Variants in LIG4 observed in about 807,000 individuals in gnomAD.
LIG4 encodes DNA joinase.
In LIG4, 13 loss-of-function variants were observed where a neutral mutation model predicts 19.0. The ratio of observed to expected loss-of-function variants is 0.68; its 90% CI spans 0.44 to 1.09. The LOEUF (loss-of-function observed/expected upper bound fraction) is 1.09. LIG4 is among the 50% of genes least tolerant of loss of function. The pLI is 0.00. For missense variants in LIG4, 1,026 were observed against 1,089.7 expected (o/e 0.94, Z 0.82); for synonymous variants, 361 against 358.2 (o/e 1.01, Z -0.09).
rs2138980126 is a variant in LIG4, at chr13:108,210,916, G to C, written c.353C>G (p.Thr118Ser). 6.2e-7 allele frequency: 1 copy of C among 1,613,974 alleles called. No individual in the cohort carries two copies. Among genetic ancestry groups the C allele is most frequent in the Non-Finnish European group, 8.5e-7 (1 of 1,179,958 alleles). Residue 118 changes from threonine to serine, a missense_variant, in exon 3 of 3, where the codon ACT becomes AGT. Thr to Ser is a moderately conservative substitution (Grantham distance 58, BLOSUM62 1). Coordinates refer to ENST00000442234, the MANE Select transcript of LIG4 (RefSeq NM_206937.2). ...KLLNYRTPTG[T>S]HGDAGDFAMI... ...TGCAAAGTCTCCAGCATCTCCATGA[G>C]TTCCAGTGGGTGTTCTGTAGTTTAA...
Position 108,210,725 on chromosome 13 carries a change from C to A in LIG4, c.544G>T (p.Glu182Ter). ...LQLITQSSALEQKWLIRMIIK... is the reference protein window; with the variant it reads ...LQLITQSSAL ...ATCATCCGTATAAGCCACTTTTGCT[C>A]AAGTGCTGAACTCTGAGTTATAAGT... The change falls in exon 3 of 3, where the codon GAG becomes TAG. Residue 182 changes from glutamate to a stop codon, truncating the protein, a stop_gained. Coordinates refer to ENST00000442234, the MANE Select transcript of LIG4 (RefSeq NM_206937.2). LOFTEE classifies it high-confidence loss of function. The A allele has an allele frequency of 6.2e-7, 1 of 1,613,990 alleles. No individual in the cohort carries two copies. The highest frequency in any genetic ancestry group is 8.5e-7 in the Non-Finnish European group (1 of 1,179,974).
rs1878402671 is a variant in LIG4 at position 108,209,760 on chromosome 13, G to C, written c.1509C>G (p.Leu503=). 5 of 1,614,016 alleles carry C rather than the reference G, an allele frequency of 3.1e-6. No homozygotes were observed. Among genetic ancestry groups the C allele is most frequent in the Non-Finnish European group, 4.2e-6 (5 of 1,180,034 alleles). ...TGGTGCAGCCAGACCCAACACGAGA[G>C]AGAGTATGAAACACAGATGGCTTCT... ...PGEKPSVFHT[L]SRVGSGCTMK... The change falls in exon 3 of 3, where the codon CTC becomes CTG. Residue 503 remains leucine (L), a synonymous_variant. Coordinates refer to ENST00000442234, the MANE Select transcript of LIG4 (RefSeq NM_206937.2).
chr13:108,211,344 C>T, intron 2 of LIG4, 48 bp from the exon 3 acceptor site: 1 of 1,029,294 alleles, frequency 9.7e-7, no homozygotes, highest in South Asian at 1.3e-5. Flanking sequence ...TAAGATTCAA[C>T]TAAATATTTA....
intron 2 of LIG4, 66 bp from the exon 3 acceptor site, chr13:108,211,362 G>A: frequency 1.1e-6 from 1 of 926,816 alleles, no homozygotes; most frequent in South Asian, 1.4e-5. Flanking sequence ...TTAATGTAAA[G>A]ATCTTACAAA....
Position 108,209,178 on chromosome 13 carries a change from C to T in LIG4, c.2091G>A (p.Thr697=), listed in dbSNP as rs184527984. ...TCTCAGACCCTGCAATTACACAGTA[C>T]GTGTCTGGGCCTGGATTTTGTACTA... ...GYIVQNPGPD[T]YCVIAGSENI... The change falls in exon 3 of 3, where the codon ACG becomes ACA. Residue 697 remains threonine (T), a synonymous_variant. Transcript: ENST00000442234. The T allele has an allele frequency of 2.2e-5, 36 of 1,614,146 alleles. No homozygotes were observed. The highest frequency in any genetic ancestry group is 2.2e-4 in the East Asian group (10 of 44,872).
Position 108,210,896 on chromosome 13 carries a change from A to C in LIG4, c.373T>G (p.Phe125Val). Residue 125 changes from phenylalanine to valine, a missense_variant, in exon 3 of 3, where the codon TTT (phenylalanine) becomes GTT (valine). By Grantham distance (50) the Phe-to-Val change is conservative. This residue lies in a region of LIG4 where 493 missense variants were observed against 544.5 expected (regional missense o/e 0.91). Coordinates refer to ENST00000442234, the MANE Select transcript of LIG4 (RefSeq NM_206937.2). ...AACACAAAATATGCAATCATTGCAAAGTCTCCAGCATCTCCATGAGTTCCA... is the reference window on the plus strand; with the variant it reads ...AACACAAAATATGCAATCATTGCAACGTCTCCAGCATCTCCATGAGTTCCA... ...PTGTHGDAGD[F>V]AMIAYFVLKP... The C allele has an allele frequency of 6.2e-7, 1 of 1,614,068 alleles. No individual in the cohort carries two copies. Among genetic ancestry groups the C allele is most frequent in the Non-Finnish European group, 8.5e-7 (1 of 1,179,980 alleles).
chr13:108,215,580 C>CG (rs36219967), upstream of LIG4: 18,328 of 150,600 alleles, frequency 0.12, 1,165 homozygotes, highest in African/African-American at 0.15. Context: ...AGGGGAGACC[C>CG]GGGGCCTTGC....
At position 108,209,340 on chromosome 13, in the gene LIG4, GT is replaced by G; in HGVS notation, c.1928del (p.His643ProfsTer2). ...CGTTAGTAAGGTTAGGTGCTTTTAAGTGCTCAATAATTCCAATAACTTTCTT... is the reference window on the plus strand; with the variant it reads ...CGTTAGTAAGGTTAGGTGCTTTTAAGGCTCAATAATTCCAATAACTTTCTT... ...KMKKVIGIIE[H>X]LKAPNLTNVN... On this transcript the variant is annotated frameshift_variant, in exon 3 of 3. Transcript: ENST00000442234. LOFTEE classifies it low-confidence loss of function (END_TRUNC). 2 of 1,614,078 alleles carry G rather than the reference GT, an allele frequency of 1.2e-6. No homozygotes were observed. The highest frequency in any genetic ancestry group is 1.7e-5 in the Admixed American group (1 of 60,018).
Position 108,208,350 on chromosome 13 carries a change from T to G in LIG4, c.*183A>C. The G allele has an allele frequency of 1.8e-6, 1 of 547,362 alleles. No individual in the cohort carries two copies. The highest frequency in any genetic ancestry group is 3.2e-6 in the Non-Finnish European group (1 of 311,884). The allele number at this position is 547,362 out of a possible 1,614,324, so 33.9% of individuals were successfully genotyped here. A position where few individuals can be genotyped will look rare whatever the true frequency, so the allele number is the denominator to read the frequency against. ...TACATTCAAGATAATTTTTCTTTCT[T>G]GGCTTTGGGCTATTGTCTTTTCAAC... On this transcript the variant is annotated 3_prime_UTR_variant, in exon 3 of 3. Transcript: ENST00000442234.
In LIG4 at chr13:108,210,660, G is replaced by T. The variant is rs778780549; in HGVS notation, c.609C>A (p.Ile203=). ...DLKLGVSQQT[I]FSVFHNDAAE... is the part of the protein sequence containing the mutation. ...CAGCATCATTATGAAAAACAGAAAA[G>T]ATAGTTTGCTGACTAACACCAAGCT... Residue 203 remains isoleucine, a synonymous_variant, in exon 3 of 3, where the codon ATC becomes ATA. Transcript: ENST00000442234. The T allele has an allele frequency of 6.2e-6, 10 of 1,613,758 alleles. No individual in the cohort carries two copies. The highest frequency in any genetic ancestry group is 8.5e-6 in the Non-Finnish European group (10 of 1,179,954).
chr13:108,208,705 C>T lies in LIG4; in HGVS notation c.2564G>A (p.Cys855Tyr). 1 of 1,614,174 alleles carries T rather than the reference C, an allele frequency of 6.2e-7. No individual in the cohort carries two copies. Among genetic ancestry groups the T allele is most frequent in the South Asian group, 1.1e-5 (1 of 91,088 alleles). The part of the protein sequence containing the change: ...LRFHGAKVVS[C>Y]LAEGVSHVII... The stretch of plus-strand genomic sequence containing the variant: ...TACATGAGACACTCCCTCAGCTAAA[C>T]AAGAAACTACTTTTGCTCCATGAAA... The change falls in exon 3 of 3, where the codon TGT becomes TAT. Residue 855 changes from cysteine to tyrosine, a missense_variant. By Grantham distance (194) the Cys-to-Tyr change is radical. This residue lies in a region of LIG4 where 521 missense variants were observed against 515.5 expected (regional missense o/e 1.01). Transcript: ENST00000442234.
rs1878262100 is a variant in LIG4 at position 108,209,030 on chromosome 13, A to G, written c.2239T>C (p.Cys747Arg). ...PWQPRFMIHM[C>R]PSTKEHFARE... ...GCAAAATGTTCTTTGGTTGATGGGC[A>G]CATATGAATCATAAAGCGAGGCTGC... is the stretch of plus-strand genomic sequence containing the variant. The change falls in exon 3 of 3, where the codon TGC becomes CGC. Residue 747 changes from cysteine (C) to arginine (R), a missense_variant. By Grantham distance (180) the Cys-to-Arg change is radical. This residue lies in a region of LIG4 where 521 missense variants were observed against 515.5 expected (regional missense o/e 1.01). Transcript: ENST00000442234. 1 of 1,614,162 alleles carries G rather than the reference A, an allele frequency of 6.2e-7. No homozygotes were observed. The highest frequency in any genetic ancestry group is 8.5e-7 in the Non-Finnish European group (1 of 1,180,026).
Position 108,208,947 on chromosome 13 carries a change from C to T in LIG4, c.2322G>A (p.Leu774=). The T allele has an allele frequency of 6.2e-7, 1 of 1,614,148 alleles. No homozygotes were observed. Among genetic ancestry groups the T allele is most frequent in the Non-Finnish European group, 8.5e-7 (1 of 1,180,018 alleles). Residue 774 remains leucine (L), a synonymous_variant, in exon 3 of 3, where the codon CTG becomes CTA. Transcript: ENST00000442234. Reference sequence around the variant, plus strand: ...TTTTAATTCCTGAGAATACTTCCTTCAGTTGGTTCAAGTCTGTATCAATGA... The same window carrying T: ...TTTTAATTCCTGAGAATACTTCCTTTAGTTGGTTCAAGTCTGTATCAATGA... ...SYFIDTDLNQ[L]KEVFSGIKNS...
chr13:108,213,551 C>G (rs1039909212), intron 2 of LIG4, among the ~76,000 whole-genome samples: 2 of 152,192 alleles, frequency 1.3e-5, no homozygotes, highest in Non-Finnish European at 2.9e-5. Flanking sequence ...TATTTTTGCT[C>G]ATTACAACGG....
upstream of LIG4, among the ~76,000 whole-genome samples, chr13:108,216,759 C>T (rs1879315443): frequency 6.6e-6 from 1 of 152,216 alleles, no homozygotes; most frequent in Admixed American, 6.5e-5. Context: ...TCAACCTCTA[C>T]TGAGCTCCTA....
chr13:108,209,096 A>G lies in LIG4; in HGVS notation c.2173T>C (p.Trp725Arg). 1 of 1,614,220 alleles carries G rather than the reference A, an allele frequency of 6.2e-7. No individual in the cohort carries two copies. Among genetic ancestry groups the G allele is most frequent in the Non-Finnish European group, 8.5e-7 (1 of 1,180,026 alleles). The part of the protein sequence containing the change: ...SNKHDVVKPA[W>R]LLECFKTKSF... Reference sequence around the variant, plus strand: ...TTGGTCTTAAAACATTCTAAAAGCCATGCAGGCTTGACAACATCATGTTTA... The same window carrying G: ...TTGGTCTTAAAACATTCTAAAAGCCGTGCAGGCTTGACAACATCATGTTTA... Residue 725 changes from tryptophan (W) to arginine (R), a missense_variant, in exon 3 of 3, where the codon TGG (tryptophan) becomes CGG (arginine). This residue lies in a region of LIG4 where 521 missense variants were observed against 515.5 expected (regional missense o/e 1.01). Transcript: ENST00000442234.
chr13:108,211,332 G>T, intron 2 of LIG4, 36 bp from the exon 3 acceptor site: 2 of 1,163,480 alleles, frequency 1.7e-6, no homozygotes, highest in Non-Finnish European at 1.3e-6. Context: ...TTAAGTAAAA[G>T]ATAAGATTCA....
upstream of LIG4, among the ~76,000 whole-genome samples, chr13:108,216,222 C>T (rs1378639953): frequency 6.6e-6 from 1 of 152,098 alleles, no homozygotes; most frequent in African/African-American, 2.4e-5. Flanking sequence ...TTATAAACAA[C>T]CCCAGTTTTT....
chr13:108,217,834 G>C (rs1169938462), upstream of LIG4, among the ~76,000 whole-genome samples: 2 of 152,318 alleles, frequency 1.3e-5, no homozygotes, highest in Middle Eastern at 3.4e-3. Flanking sequence ...GTGCACAGGG[G>C]GGTTGACAGC....
Sources: allele counts gnomAD v4.1 joint callset (sites outside exome capture counted in the v4.1 genomes callset), GRCh38; gene constraint gnomAD v4.1.1; regional missense constraint gnomAD v4.1.1; transcripts MANE v1.5; gene names NCBI Gene and HGNC (gene_info 2026-07-23, HGNC 2026-07-21).